The following PCDH9 variants were observed in gnomAD, a reference collection of about 807,000 sequenced individuals.
PCDH9 encodes the protein protocadherin 9, also known as protocadherin-9.
In PCDH9, 24 loss-of-function variants were observed where a neutral mutation model predicts 70.6. The ratio of observed to expected loss-of-function variants is 0.34; its 90% CI spans 0.25 to 0.48. PCDH9 has a LOEUF of 0.48. Ranked by LOEUF, PCDH9 falls within the 20% of genes least tolerant of loss-of-function variation. The pLI is 0.99. For synonymous variants in PCDH9, 562 were observed against 558.5 expected (o/e 1.01, Z -0.09); for missense variants, 1,281 against 1,503.6 (o/e 0.85, Z 2.45).
chr13:66,661,305 A>G (rs2078005368), intron 3 of PCDH9, among the ~76,000 whole-genome samples: 1 of 152,212 alleles, frequency 6.6e-6, no homozygotes, highest in East Asian at 1.9e-4. Flanking sequence ...TAGTGCTAGG[A>G]GGATGAGTGT....
chr13:66,394,219 C>T (rs978644276), intron 4 of PCDH9, among the ~76,000 whole-genome samples: 1 of 152,048 alleles, frequency 6.6e-6, no homozygotes, highest in African/African-American at 2.4e-5. Flanking sequence ...TCTAAAGGTA[C>T]CCTTCCATGG....
In PCDH9 at chr13:66,775,345, ATAAT is replaced by A. The variant is rs2079874060; in HGVS notation, c.3138+128155_3138+128158del. Among the ~76,000 whole-genome samples the A allele has an allele frequency of 2.0e-5, 3 of 152,328 alleles. No homozygotes were observed. In the South Asian group the frequency reaches 6.2e-4, roughly 32 times the overall value. On this transcript the variant is annotated intron_variant, in intron 3 of 4. Coordinates refer to ENST00000377865, the MANE Select transcript of PCDH9 (RefSeq NM_203487.3). ...TTAAGAGCAAAACAAGGCTTTGTTA[ATAAT>A]TAAGCTGGACGAGCAGGTACAAACA...
intron 2 of PCDH9, among the ~76,000 whole-genome samples, chr13:66,931,947 T>C (rs971166884): frequency 6.6e-6 from 1 of 152,098 alleles, no homozygotes; most frequent in African/African-American, 2.4e-5. Flanking sequence ...TGCATATATG[T>C]ATGTTTATGT....
chr13:66,548,790 TTA>T (rs1169937763), intron 4 of PCDH9, among the ~76,000 whole-genome samples: 1 of 152,104 alleles, frequency 6.6e-6, no homozygotes, highest in Non-Finnish European at 1.5e-5. Flanking sequence ...TGAATAATGC[TTA>T]TGTTTACTTT....
At chr13:66,933,749 C>T (rs747346897) in intron 2 of PCDH9, among the ~76,000 whole-genome samples, 6 of 151,980 alleles carry the variant, frequency 3.9e-5, no homozygotes, top group Non-Finnish European at 5.9e-5. Flanking sequence ...CTTAGAACCC[C>T]GTGAAGTGTC....
intron 2 of PCDH9, among the ~76,000 whole-genome samples, chr13:67,076,528 G>A (rs1044348116): frequency 3.9e-5 from 6 of 152,096 alleles, no homozygotes; most frequent in South Asian, 2.1e-4. Flanking sequence ...AAGGAGGGCC[G>A]TGGGAGGACT....
In PCDH9 at chr13:67,228,275, T is replaced by C; in HGVS notation, c.166A>G (p.Thr56Ala). ...TAGACAAGGCTGGCGCTGGTCCCTGTGGCAGCATTGATGTGAGAAATGTTC... is the reference window on the plus strand; with the variant it reads ...TAGACAAGGCTGGCGCTGGTCCCTGCGGCAGCATTGATGTGAGAAATGTTC... ...DLNISHINAA[T>A]GTSASLVYRL... The change falls in exon 2 of 5, where the codon ACA becomes GCA. Residue 56 changes from threonine (T) to alanine (A), a missense_variant. Thr to Ala is a moderately conservative substitution (Grantham distance 58). This residue lies in a region of PCDH9 where 798 missense variants were observed against 1,003.1 expected (regional missense o/e 0.80). Transcript: ENST00000377865. 1 of 1,613,966 alleles carries C rather than the reference T, an allele frequency of 6.2e-7. No homozygotes were observed. The highest frequency in any genetic ancestry group is 8.5e-7 in the Non-Finnish European group (1 of 1,179,958).
At chr13:66,555,282 TC>T (rs1961681635) in intron 4 of PCDH9, among the ~76,000 whole-genome samples, 1 of 152,300 alleles carries the variant, frequency 6.6e-6, no homozygotes, top group African/African-American at 2.4e-5. Context: ...GTACTTTCTT[TC>T]AAGTGTTTTT....
chr13:66,459,219 C>T (rs960562808), intron 4 of PCDH9, among the ~76,000 whole-genome samples: 3 of 151,882 alleles, frequency 2.0e-5, no homozygotes, highest in African/African-American at 7.3e-5. Context: ...GGATAAAAAT[C>T]CAAAGAGCAG....
intron 4 of PCDH9, among the ~76,000 whole-genome samples, chr13:66,462,430 T>C (rs1026435050): frequency 6.6e-6 from 1 of 151,898 alleles, no homozygotes; most frequent in African/African-American, 2.4e-5. Context: ...GTTGTTTGCC[T>C]AAGAATGAAT....
At chr13:66,672,695 C>T (rs2078192746) in intron 3 of PCDH9, among the ~76,000 whole-genome samples, 1 of 152,168 alleles carries the variant, frequency 6.6e-6, no homozygotes, top group South Asian at 2.1e-4. Flanking sequence ...GCAGAGCTGC[C>T]CAAGACCATG....
intron 2 of PCDH9, among the ~76,000 whole-genome samples, chr13:67,077,318 T>C (rs886259088): frequency 6.6e-6 from 1 of 152,194 alleles, no homozygotes; most frequent in Non-Finnish European, 1.5e-5. Flanking sequence ...TTTGCCCTTA[T>C]TGATTCCTTT....
intron 3 of PCDH9, among the ~76,000 whole-genome samples, chr13:66,812,591 G>T (rs559059799): frequency 8.5e-5 from 13 of 152,198 alleles, no homozygotes; most frequent in African/African-American, 3.1e-4. Context: ...AGCCTGAGGG[G>T]ATTAAAAAGT....
intron 2 of PCDH9, among the ~76,000 whole-genome samples, chr13:67,173,757 G>T (rs1032686365): frequency 1.9e-4 from 29 of 152,128 alleles, no homozygotes; most frequent in African/African-American, 6.8e-4. Context: ...AGAAAATGCT[G>T]TTTTATGCCT....
intron 4 of PCDH9, among the ~76,000 whole-genome samples, chr13:66,366,051 A>G (rs1411844018): frequency 6.6e-6 from 1 of 152,074 alleles, no homozygotes; most frequent in Non-Finnish European, 1.5e-5. Context: ...CAAAAAGTAT[A>G]CATAGTAAAA....
rs199791250 is a variant in PCDH9, at chr13:66,932,659, C to CATATATATATATATATATATAT, written c.3037-29076_3037-29055dup. On this transcript the variant is annotated intron_variant, in intron 2 of 4. Transcript: ENST00000377865. Reference sequence around the variant, plus strand: ...CTAGGCTTAAATGTGTAAATCCTCACATATATATATATATATATATATACA... The same window carrying CATATATATATATATATATATAT: ...CTAGGCTTAAATGTGTAAATCCTCACATATATATATATATATATATATATATATATATATATATATATATACA... Among the ~76,000 whole-genome samples, 242 of 130,228 alleles carry CATATATATATATATATATATAT rather than the reference C, an allele frequency of 1.9e-3. 2 individuals are homozygous for CATATATATATATATATATATAT. The highest frequency in any genetic ancestry group is 5.1e-3 in the South Asian group (21 of 4,090). 85.4% of individuals were successfully genotyped at this position (130,228 alleles called of 152,430 possible). A position where few individuals can be genotyped will look rare whatever the true frequency, so the allele number is the denominator to read the frequency against.
intron 4 of PCDH9, among the ~76,000 whole-genome samples, chr13:66,388,731 T>C (rs1055505644): frequency 3.9e-5 from 6 of 152,270 alleles, no homozygotes; most frequent in Non-Finnish European, 8.8e-5. Flanking sequence ...TTATTGGATA[T>C]CATGAGTACT....
chr13:67,075,382 A>G (rs550964351), intron 2 of PCDH9, among the ~76,000 whole-genome samples: 1 of 152,234 alleles, frequency 6.6e-6, no homozygotes, highest in South Asian at 2.1e-4. Flanking sequence ...ATAAAAACAA[A>G]GTGAAAGAAA....
chr13:66,759,001 T>C (rs2079580062), intron 3 of PCDH9, among the ~76,000 whole-genome samples: 1 of 151,934 alleles, frequency 6.6e-6, no homozygotes, highest in South Asian at 2.1e-4. Flanking sequence ...TTTATGTATA[T>C]GAATCATCTT....
Sources: allele counts gnomAD v4.1 joint callset (sites outside exome capture counted in the v4.1 genomes callset), GRCh38; gene constraint gnomAD v4.1.1; regional missense constraint gnomAD v4.1.1; transcripts MANE v1.5; gene names NCBI Gene and HGNC (gene_info 2026-07-23, HGNC 2026-07-21).